The following UBAP2L variants were observed in gnomAD, a reference collection of about 807,000 sequenced individuals.
The protein encoded by UBAP2L is ubiquitin associated protein 2 like.
In UBAP2L, 12 loss-of-function variants were observed where a neutral mutation model predicts 130.6. The observed-to-expected ratio is 0.09, with a 90% CI of 0.06 to 0.15. UBAP2L has a LOEUF of 0.15. Among genes scored for constraint, UBAP2L ranks in the 10% least tolerant of loss-of-function variants. UBAP2L has a pLI of 1.00. For synonymous variants in UBAP2L, 503 were observed against 524.7 expected (o/e 0.96, Z 0.57); for missense variants, 965 against 1,332.5 (o/e 0.72, Z 4.29).
Position 154,257,117 on chromosome 1 carries a change from A to G in UBAP2L, c.2212A>G (p.Thr738Ala), listed in dbSNP as rs780254063. The change falls in exon 19 of 27, where the codon ACC (threonine) becomes GCC (alanine). Residue 738 changes from threonine (T) to alanine (A), a missense_variant. Around this residue, in one of 9 missense-constraint regions of UBAP2L, gnomAD observed 393 missense variants for 408.1 expected, o/e 0.96. Transcript: ENST00000428931. ...CCATTCTTCCTCCAGCACTTTTTCC[A>G]CCACATCCAGCACAGTCTCTGCACC... is the stretch of plus-strand genomic sequence containing the variant. ...NLHSSSSTFS[T>A]TSSTVSAPPP... The G allele has an allele frequency of 2.5e-6, 4 of 1,613,874 alleles. No individual in the cohort carries two copies. The highest frequency in any genetic ancestry group is 1.3e-5 in the African/African-American group (1 of 74,840).
At chr1:154,242,279 A>G (rs1287598381) in intron 9 of UBAP2L, among the ~76,000 whole-genome samples, 3 of 152,198 alleles carry the variant, frequency 2.0e-5, no homozygotes, top group Admixed American at 6.5e-5. Context: ...TAATCTATGT[A>G]CTTTTCTATA....
chr1:154,255,399 C>A, intron 17 of UBAP2L, 73 bp downstream of exon 17: 1 of 1,557,142 alleles, frequency 6.4e-7, no homozygotes, highest in South Asian at 1.2e-5. Flanking sequence ...TTATTACTCC[C>A]TTGACCTGGC....
chr1:154,255,547 A>G, intron 17 of UBAP2L, 136 bp from the exon 18 acceptor site: 1 of 1,182,584 alleles, frequency 8.5e-7, no homozygotes, highest in Non-Finnish European at 1.2e-6. Flanking sequence ...CTGGCTGGCC[A>G]TTGTGCTTAA....
chr1:154,261,762 G>A (rs1681617891), intron 24 of UBAP2L, 65 bp downstream of exon 24: 3 of 1,525,068 alleles, frequency 2.0e-6, no homozygotes, highest in Admixed American at 1.7e-5. Flanking sequence ...TTTCAGGGAG[G>A]AAGACTTGGT....
chr1:154,236,021 C>T (rs1285226042), intron 6 of UBAP2L, among the ~76,000 whole-genome samples: 1 of 152,140 alleles, frequency 6.6e-6, no homozygotes, highest in Non-Finnish European at 1.5e-5. Flanking sequence ...ATGTCATTTC[C>T]TCTAGTCTTT....
chr1:154,241,466 C>G, intron 8 of UBAP2L, 47 bp from the exon 9 acceptor site: 1 of 1,575,444 alleles, frequency 6.3e-7, no homozygotes, highest in Non-Finnish European at 8.7e-7. Flanking sequence ...ATGCTTTGTA[C>G]TGGCATTTAA....
chr1:154,259,231 G>A (rs181615985), intron 21 of UBAP2L, among the ~76,000 whole-genome samples: 2 of 152,014 alleles, frequency 1.3e-5, no homozygotes, highest in East Asian at 1.9e-4. Context: ...TTTCTCTGTC[G>A]CTCAAGCTGG....
intron 14 of UBAP2L, 68 bp downstream of exon 14, chr1:154,251,721 T>C: frequency 6.3e-7 from 1 of 1,578,818 alleles, no homozygotes; most frequent in South Asian, 1.2e-5. Flanking sequence ...TGTGGGAGAT[T>C]TCTAGAACTC....
chr1:154,251,219 A>G lies in UBAP2L; in HGVS notation c.1392A>G (p.Pro464=). 6.2e-7 allele frequency: 1 copy of G among 1,614,150 alleles called. No homozygotes were observed. Among genetic ancestry groups the G allele is most frequent in the Non-Finnish European group, 8.5e-7 (1 of 1,180,032 alleles). Residue 464 remains proline (P), a synonymous_variant, in exon 13 of 27, where the codon CCA becomes CCG. Coordinates refer to ENST00000428931, the MANE Select transcript of UBAP2L (RefSeq NM_014847.4). ...TGCCAAGCAAATCCACATCGGCTCC[A>G]CAGATGTCGCCTGGATCTTCAGACA... ...SPLPSKSTSA[P]QMSPGSSDNQ...
At chr1:154,255,544 G>A (rs1323101713) in intron 17 of UBAP2L, 139 bp from the exon 18 acceptor site, 1 of 1,150,196 alleles carries the variant, frequency 8.7e-7, no homozygotes. Context: ...CCCCTGGCTG[G>A]CCATTGTGCT....
intron 12 of UBAP2L, 103 bp downstream of exon 12, chr1:154,249,540 A>AG: frequency 7.1e-7 from 1 of 1,400,100 alleles, no homozygotes. Flanking sequence ...AGTGAAGAAA[A>AG]GGGGCAGCTA....
intron 20 of UBAP2L, among the ~76,000 whole-genome samples, chr1:154,258,080 C>T (rs1328832867): frequency 6.6e-6 from 1 of 152,156 alleles, no homozygotes; most frequent in Non-Finnish European, 1.5e-5. Flanking sequence ...GCAATCCTCT[C>T]ACCTCAGACT....
Position 154,266,498 on chromosome 1 carries a change from C to T in UBAP2L, c.2903-3C>T. 6.2e-7 allele frequency: 1 copy of T among 1,614,176 alleles called. No homozygotes were observed. The highest frequency in any genetic ancestry group is 8.5e-7 in the Non-Finnish European group (1 of 1,180,010). On this transcript the variant is annotated splice_region_variant and splice_polypyrimidine_tract_variant and intron_variant, in intron 24 of 26. Coordinates refer to ENST00000428931, the MANE Select transcript of UBAP2L (RefSeq NM_014847.4). The stretch of plus-strand genomic sequence containing the variant: ...TCCTCCTGTCTGTTTCCTCCTCCCC[C>T]AGGTGTTTCAGTCACCTCCAGTAAC...
At chr1:154,251,832 C>T (rs1222918031) in intron 14 of UBAP2L, among the ~76,000 whole-genome samples, 179 bp downstream of exon 14, 1 of 152,124 alleles carries the variant, frequency 6.6e-6, no homozygotes, top group Non-Finnish European at 1.5e-5. Flanking sequence ...TGTAACTAAA[C>T]AGGTAGAAAT....
chr1:154,256,956 GA>G (rs1679875162), intron 18 of UBAP2L, 106 bp from the exon 19 acceptor site: 1 of 1,325,422 alleles, frequency 7.5e-7, no homozygotes. Context: ...CTTTAATTAG[GA>G]AGTTGACATC....
chr1:154,251,006 A>G, intron 12 of UBAP2L, 35 bp from the exon 13 acceptor site: 1 of 1,575,222 alleles, frequency 6.3e-7, no homozygotes, highest in Non-Finnish European at 8.6e-7. Flanking sequence ...ATTCATTAGC[A>G]TCTCTGGCTT....
chr1:154,243,399 T>C, intron 10 of UBAP2L, 97 bp downstream of exon 10: 1 of 978,126 alleles, frequency 1.0e-6, no homozygotes, highest in South Asian at 1.5e-5. Flanking sequence ...TCCCATGGTG[T>C]CAATAATAAT....
chr1:154,244,817 C>T (rs946134937), intron 10 of UBAP2L, among the ~76,000 whole-genome samples: 3 of 152,158 alleles, frequency 2.0e-5, no homozygotes, highest in Non-Finnish European at 2.9e-5. Context: ...AGTTTTATTA[C>T]CTAGGCATGA....
rs1046097276 is a variant in UBAP2L, at chr1:154,242,727, A to G, written c.757-490A>G. Among the ~76,000 whole-genome samples the G allele has an allele frequency of 4.6e-5, 7 of 152,316 alleles. No homozygotes were observed. In the South Asian group the frequency reaches 8.3e-4, roughly 18 times the overall value. On this transcript the variant is annotated intron_variant, in intron 9 of 26. Coordinates refer to ENST00000428931, the MANE Select transcript of UBAP2L (RefSeq NM_014847.4). The stretch of plus-strand genomic sequence containing the variant: ...TAACATCTAGTTAAAACGATCTCCC[A>G]TAAAAACCTTAATTCAGCAGCACTT...
Sources: gnomAD v4.1 joint callset for allele counts (sites outside exome capture counted in the v4.1 genomes callset) on GRCh38, gnomAD v4.1.1 for gene constraint, gnomAD v4.1.1 regional missense constraint, MANE v1.5 for transcripts, NCBI Gene and HGNC (gene_info 2026-07-23, HGNC 2026-07-21) for gene names.